Variants in HAPLN1 observed in about 807,000 individuals in gnomAD.
The protein encoded by HAPLN1 is hyaluronan and proteoglycan link protein 1.
HAPLN1 carries 13 observed loss-of-function variants against 36.5 expected under a neutral mutation model. The observed-to-expected ratio is 0.36, with a 90% confidence interval of 0.23 to 0.57. The LOEUF (loss-of-function observed/expected upper bound fraction) is 0.57. Ranked by LOEUF, HAPLN1 falls within the 20% of genes least tolerant of loss-of-function variation. HAPLN1 has a pLI of 0.83. For synonymous variants in HAPLN1, 202 were observed against 169.8 expected, an observed-to-expected ratio of 1.19 and a Z score of -1.48; for missense variants, 407 against 439.7, an observed-to-expected ratio of 0.93 and a Z score of 0.66.
At chr5:83,655,722 C>T (rs1293064364) in intron 2 of HAPLN1, among the ~76,000 whole-genome samples, 1 of 152,156 alleles carries the variant, frequency 6.6e-6, no homozygotes, top group Non-Finnish European at 1.5e-5. Flanking sequence ...TCAGATTACA[C>T]AGCTCTGAGC....
At chr5:83,678,086 T>G (rs970675658) in intron 1 of HAPLN1, among the ~76,000 whole-genome samples, 1 of 152,144 alleles carries the variant, frequency 6.6e-6, no homozygotes, top group Non-Finnish European at 1.5e-5. Context: ...GGCTAAGTTT[T>G]TAAGATTACT....
intron 2 of HAPLN1, among the ~76,000 whole-genome samples, chr5:83,670,211 C>A (rs1014975197): frequency 3.3e-5 from 5 of 152,096 alleles, no homozygotes; most frequent in African/African-American, 1.2e-4. Context: ...AAATATTATT[C>A]TTTCTGTGTG....
At chr5:83,660,779 T>C (rs1052616745) in intron 2 of HAPLN1, among the ~76,000 whole-genome samples, 1 of 152,178 alleles carries the variant, frequency 6.6e-6, no homozygotes, top group African/African-American at 2.4e-5. Context: ...ATCTCTTACA[T>C]TGTGTCACTT....
intron 1 of HAPLN1, among the ~76,000 whole-genome samples, chr5:83,684,324 A>G (rs1751073091): frequency 6.6e-6 from 1 of 152,162 alleles, no homozygotes; most frequent in South Asian, 2.1e-4. Context: ...TCAGCTTCAG[A>G]TCCCAAAGCA....
intron 1 of HAPLN1, among the ~76,000 whole-genome samples, chr5:83,719,803 T>C (rs1751983392): frequency 6.6e-6 from 1 of 152,146 alleles, no homozygotes; most frequent in Admixed American, 6.5e-5. Flanking sequence ...AATGAATAAA[T>C]ATTACATTCA....
At chr5:83,672,998 G>T (rs1750768878) in intron 2 of HAPLN1, among the ~76,000 whole-genome samples, 1 of 152,162 alleles carries the variant, frequency 6.6e-6, no homozygotes, top group Non-Finnish European at 1.5e-5. Context: ...CTTTTTCCTG[G>T]ACAATAGCTT....
chr5:83,658,982 T>C (rs1750304021), intron 2 of HAPLN1, among the ~76,000 whole-genome samples: 1 of 152,044 alleles, frequency 6.6e-6, no homozygotes, highest in Admixed American at 6.5e-5. Flanking sequence ...TATTTGAATT[T>C]GAAACCTGGA....
chr5:83,653,961 C>T (rs186059035), intron 2 of HAPLN1, among the ~76,000 whole-genome samples: 1 of 152,372 alleles, frequency 6.6e-6, no homozygotes, highest in East Asian at 1.9e-4. Context: ...GCTACCAAAG[C>T]TGCCCTTCAC....
chr5:83,703,796 A>C (rs1170283019), intron 1 of HAPLN1, among the ~76,000 whole-genome samples: 1 of 152,104 alleles, frequency 6.6e-6, no homozygotes, highest in Non-Finnish European at 1.5e-5. Flanking sequence ...CCTAGAATCT[A>C]GCAGGAGTTC....
intron 1 of HAPLN1, among the ~76,000 whole-genome samples, chr5:83,717,946 G>T (rs567190095): frequency 6.6e-6 from 1 of 152,298 alleles, no homozygotes; most frequent in South Asian, 2.1e-4. Context: ...GTGCAGCTGT[G>T]TGGTAACCTT....
At chr5:83,706,868 C>T (rs1026822984) in intron 1 of HAPLN1, among the ~76,000 whole-genome samples, 4 of 152,024 alleles carry the variant, frequency 2.6e-5, no homozygotes, top group African/African-American at 7.2e-5. Context: ...CAGCTGATAA[C>T]TTCAGCAAAG....
chr5:83,661,387 C>A (rs1750382093), intron 2 of HAPLN1, among the ~76,000 whole-genome samples: 1 of 149,820 alleles, frequency 6.7e-6, no homozygotes, highest in Non-Finnish European at 1.5e-5. Context: ...ATTCCTTGTT[C>A]CTCTTACCCC....
At chr5:83,660,990 T>G (rs912696179) in intron 2 of HAPLN1, among the ~76,000 whole-genome samples, 1 of 152,136 alleles carries the variant, frequency 6.6e-6, no homozygotes, top group African/African-American at 2.4e-5. Context: ...AAACAGCGTC[T>G]ATCTTCTACA....
At chr5:83,655,385 A>G (rs1424012602) in intron 2 of HAPLN1, among the ~76,000 whole-genome samples, 2 of 152,158 alleles carry the variant, frequency 1.3e-5, no homozygotes, top group Non-Finnish European at 2.9e-5. Context: ...CAGCATTGTG[A>G]ATAGAGGATG....
chr5:83,702,425 C>T (rs952767859), intron 1 of HAPLN1, among the ~76,000 whole-genome samples: 1 of 152,016 alleles, frequency 6.6e-6, no homozygotes, highest in Non-Finnish European at 1.5e-5. Flanking sequence ...GTCTTGTTAG[C>T]AATAAGACTG....
chr5:83,655,625 G>A (rs1019244449), intron 2 of HAPLN1, among the ~76,000 whole-genome samples: 5 of 151,892 alleles, frequency 3.3e-5, no homozygotes, highest in African/African-American at 1.2e-4. Flanking sequence ...AGTGACTAAG[G>A]CCATTAAGGT....
At chr5:83,702,886 A>G (rs1751543444) in intron 1 of HAPLN1, among the ~76,000 whole-genome samples, 1 of 152,002 alleles carries the variant, frequency 6.6e-6, no homozygotes, top group East Asian at 1.9e-4. Context: ...TAATTTTTGC[A>G]TTTTTAGTAG....
Position 83,641,386 on chromosome 5 carries a change from A to G in HAPLN1, c.*110T>C. 2.1e-6 allele frequency: 2 copies of G among 973,502 alleles called. No individual in the cohort carries two copies. Among genetic ancestry groups the G allele is most frequent in the Admixed American group, 2.6e-5 (1 of 38,784 alleles). 60.3% of individuals were successfully genotyped at this position (973,502 alleles called of 1,614,324 possible). A position where few individuals can be genotyped will look rare whatever the true frequency, so the allele number is the denominator to read the frequency against. ...ATGAAAATGACTCTTTACAGTAAGT[A>G]AAAAAGGGTTATCACAGTTTTGGTA... On this transcript the variant is annotated 3_prime_UTR_variant, in exon 5 of 5. Coordinates refer to ENST00000274341, the MANE Select transcript of HAPLN1 (RefSeq NM_001884.4).
chr5:83,712,239 T>C (rs192655402), intron 1 of HAPLN1, among the ~76,000 whole-genome samples: 6 of 152,190 alleles, frequency 3.9e-5, no homozygotes, highest in Admixed American at 3.3e-4. Context: ...TCAAGATCCT[T>C]TCAGGTATTC....
Sources: allele counts gnomAD v4.1 joint callset (sites outside exome capture counted in the v4.1 genomes callset), GRCh38; gene constraint gnomAD v4.1.1; transcripts MANE v1.5; gene names NCBI Gene and HGNC (gene_info 2026-07-23, HGNC 2026-07-21).